TMEM8B: variants seen among roughly 807,000 people sequenced by gnomAD.
TMEM8B encodes the protein nasopharyngeal carcinoma expressed 6.
In TMEM8B, 29 loss-of-function variants were observed where a neutral mutation model predicts 49.3. The ratio of observed to expected loss-of-function variants is 0.59; its 90% CI spans 0.44 to 0.80. TMEM8B has a LOEUF of 0.80. Ranked by LOEUF, TMEM8B falls within the 30% of genes least tolerant of loss-of-function variation. The pLI is 0.00. For missense variants in TMEM8B, 575 were observed against 658.5 expected (o/e 0.87, Z 1.39); for synonymous variants, 264 against 272.8 (o/e 0.97, Z 0.32).
At chr9:35,832,191 GTGTGTGTGTA>G (rs1285984747) in intron 1 of TMEM8B, among the ~76,000 whole-genome samples, 1 of 151,770 alleles carries the variant, frequency 6.6e-6, no homozygotes, top group Non-Finnish European at 1.5e-5. Flanking sequence ...GTGTGTGTGT[GTGTGTGTGTA>G]TGTGTATGTG....
In TMEM8B at chr9:35,846,031, C is replaced by A. The variant is rs1022957075; in HGVS notation, c.1692C>A (p.Pro564=). ...TTGGATGCTTGACTCACGAGGTGCC[C>A]TTGAGCCTGGGGGATGCAGCAGTGA... is the stretch of plus-strand genomic sequence containing the variant. ...TVFGCLTHEV[P]LSLGDAAVTC... Residue 564 remains proline, a synonymous_variant, in exon 7 of 13, where the codon CCC becomes CCA. Coordinates refer to ENST00000643932, the MANE Select transcript of TMEM8B (RefSeq NM_001042590.4). 33 of 1,613,204 alleles carry A rather than the reference C, an allele frequency of 2.0e-5. No homozygotes were observed. The highest frequency in any genetic ancestry group is 4.0e-5 in the African/African-American group (3 of 74,500).
At chr9:35,844,926 C>T (rs995310902) in intron 6 of TMEM8B, among the ~76,000 whole-genome samples, 8 of 151,868 alleles carry the variant, frequency 5.3e-5, no homozygotes, top group African/African-American at 1.5e-4. Context: ...TTTTTTTTCT[C>T]CCCTTGGATC....
intron 10 of TMEM8B, among the ~76,000 whole-genome samples, chr9:35,848,719 G>A (rs1564040461): frequency 7.0e-6 from 1 of 143,168 alleles, no homozygotes; most frequent in Non-Finnish European, 1.5e-5. Flanking sequence ...GTGTTGCCCA[G>A]GCTGGAGTGC....
intron 6 of TMEM8B, chr9:35,845,655 C>G: frequency 3.0e-6 from 3 of 985,452 alleles, no homozygotes; most frequent in Non-Finnish European, 2.4e-6. Context: ...CCTCCTTCTC[C>G]TTAATGAGCT....
chr9:35,860,957 C>T lies in TMEM8B; in HGVS notation c.*7117C>T, dbSNP rs190165003. ...CTCACTTCTCCTCGGGAAAGGCCAG[C>T]GTCAGGTATTCCTAGGAGGAAGCCC... is the stretch of plus-strand genomic sequence containing the variant. On this transcript the variant is annotated 3_prime_UTR_variant, in exon 13 of 13. Transcript: ENST00000643932. 1,114 of 152,340 alleles carry T rather than the reference C, an allele frequency of 7.3e-3. 9 individuals are homozygous for T. The highest frequency in any genetic ancestry group is 0.011 in the Non-Finnish European group (778 of 68,056). 9.4% of individuals were successfully genotyped at this position (152,340 alleles called of 1,614,324 possible).
rs922153906 is a variant in TMEM8B, at chr9:35,842,738, G to A, written c.1635+21G>A. Reference sequence around the variant, plus strand: ...ATGCGGTACTCTTTATGGAGAGTGGGGAGGTTGCTCTGCCAGGGAGCTTGA... The same window carrying A: ...ATGCGGTACTCTTTATGGAGAGTGGAGAGGTTGCTCTGCCAGGGAGCTTGA... On this transcript the variant is annotated intron_variant, in intron 6 of 12. Transcript: ENST00000643932. The surrounding 1 kb of genome is among the most constrained non-coding windows in gnomAD (Gnocchi z 5.6). 1.3e-6 allele frequency: 2 copies of A among 1,588,990 alleles called. No homozygotes were observed. The highest frequency in any genetic ancestry group is 1.7e-6 in the Non-Finnish European group (2 of 1,164,826).
Position 35,854,631 on chromosome 9 carries a change from G to A in TMEM8B, c.*791G>A, listed in dbSNP as rs1297849069. On this transcript the variant is annotated 3_prime_UTR_variant, in exon 13 of 13. Coordinates refer to ENST00000643932, the MANE Select transcript of TMEM8B (RefSeq NM_001042590.4). The stretch of plus-strand genomic sequence containing the variant: ...ATGCCTATTCCCCAATTCCTATTGA[G>A]CCCGATTTGCAGTATCTGAGGGGTG... The A allele has an allele frequency of 6.6e-6, 1 of 151,696 alleles. No individual in the cohort carries two copies. Among genetic ancestry groups the A allele is most frequent in the Non-Finnish European group, 1.5e-5 (1 of 68,036 alleles). The allele number at this position is 151,696 out of a possible 1,614,324, so 9.4% of individuals were successfully genotyped here.
At position 35,829,649 on chromosome 9, in the gene TMEM8B, G is replaced by GCCCTGTCCCAGC. The variant is rs1829655028; in HGVS notation, c.206_217dup (p.Leu69_Pro72dup). ...CCCCCTGTCACAAATCCCAGCCCAG[G>GCCCTGTCCCAGC]CCCTGTCCCAGCCCCATTCCCAGTG... On this transcript the variant is annotated inframe_insertion, in exon 1 of 13. Coordinates refer to ENST00000643932, the MANE Select transcript of TMEM8B (RefSeq NM_001042590.4). 4 of 400,662 alleles carry GCCCTGTCCCAGC rather than the reference G, an allele frequency of 1.0e-5. No individual in the cohort carries two copies. In the Middle Eastern group the frequency reaches 1.4e-3, roughly 140 times the overall value. The allele number at this position is 400,662 out of a possible 1,614,324, so 24.8% of individuals were successfully genotyped here. A position where few individuals can be genotyped will look rare whatever the true frequency, so the allele number is the denominator to read the frequency against.
At chr9:35,839,447 G>A (rs1830752337) in intron 3 of TMEM8B, among the ~76,000 whole-genome samples, 1 of 152,156 alleles carries the variant, frequency 6.6e-6, no homozygotes, top group African/African-American at 2.4e-5. Flanking sequence ...CTGGGTGACG[G>A]TTCCCTGCAT....
Position 35,834,070 on chromosome 9 carries a change from A to ACACC in TMEM8B, c.509-390_509-389insACCC, listed in dbSNP as rs994665464. ...CACACACACACACACACACACACAC[A>ACACC]CCTTCCACACATCTGTTTTTTTTAG... On this transcript the variant is annotated intron_variant, in intron 1 of 12. Transcript: ENST00000643932. Among the ~76,000 whole-genome samples the ACACC allele has an allele frequency of 1.1e-3, 164 of 147,296 alleles. 1 individual carries two copies. The highest frequency in any genetic ancestry group is 3.6e-3 in the African/African-American group (138 of 38,844).
intron 6 of TMEM8B, among the ~76,000 whole-genome samples, chr9:35,845,160 T>A (rs1455535300): frequency 6.6e-6 from 1 of 152,240 alleles, no homozygotes; most frequent in Non-Finnish European, 1.5e-5. Context: ...CCCCTTTGGA[T>A]GCTGTGATTC....
rs1832590365 is a variant in TMEM8B, at chr9:35,858,390, C to T, written c.*4550C>T. 1 of 152,312 alleles carries T rather than the reference C, an allele frequency of 6.6e-6. No individual in the cohort carries two copies. Among genetic ancestry groups the T allele is most frequent in the Non-Finnish European group, 1.5e-5 (1 of 68,174 alleles). The allele number at this position is 152,312 out of a possible 1,614,324, so 9.4% of individuals were successfully genotyped here. A position where few individuals can be genotyped will look rare whatever the true frequency, so the allele number is the denominator to read the frequency against. ...ACAGGTATGAGCCACCACACCTGGC[C>T]CACTTTTGCCTTCCAAATCACATGC... is the stretch of plus-strand genomic sequence containing the variant. On this transcript the variant is annotated 3_prime_UTR_variant, in exon 13 of 13. Transcript: ENST00000643932.
rs116424870 is a variant in TMEM8B at position 35,843,665 on chromosome 9, C to A, written c.1635+948C>A. Among the ~76,000 whole-genome samples the A allele has an allele frequency of 7.2e-3, 1,099 of 152,266 alleles. 12 individuals are homozygous for A. The highest frequency in any genetic ancestry group is 0.025 in the African/African-American group (1,027 of 41,536). On this transcript the variant is annotated intron_variant, in intron 6 of 12. Coordinates refer to ENST00000643932, the MANE Select transcript of TMEM8B (RefSeq NM_001042590.4). ...TTTCCCTTTACTTCCTTTGTATTTT[C>A]TTCAAACCAGTTGTATACATTTACT...
rs1831647473 is a variant in TMEM8B, at chr9:35,846,884, A to G, written c.2064A>G (p.Thr688=). Residue 688 remains threonine (T), a synonymous_variant, in exon 10 of 13, where the codon ACA becomes ACG. Coordinates refer to ENST00000643932, the MANE Select transcript of TMEM8B (RefSeq NM_001042590.4). ...ALTYGFQLLS[T]LLLCLSNLMF... ...CCTATGGATTCCAGCTGCTGTCCAC[A>G]CTCCTGCTCTGCCTGAGCAACCTCA... 1 of 1,613,714 alleles carries G rather than the reference A, an allele frequency of 6.2e-7. No individual in the cohort carries two copies. Among genetic ancestry groups the G allele is most frequent in the Non-Finnish European group, 8.5e-7 (1 of 1,179,896 alleles).
intron 3 of TMEM8B, among the ~76,000 whole-genome samples, chr9:35,836,360 G>T (rs1030444432): frequency 1.3e-5 from 2 of 152,244 alleles, no homozygotes; most frequent in African/African-American, 2.4e-5. Context: ...CAGAACTGAG[G>T]GTTCTTCTGT....
intron 7 of TMEM8B, 48 bp downstream of exon 7, chr9:35,846,116 T>G (rs754705194): frequency 1.7e-5 from 27 of 1,572,474 alleles, no homozygotes; most frequent in Middle Eastern, 1.7e-4. Flanking sequence ...GTGGGGGTGG[T>G]GGTGGCGGGC....
intron 3 of TMEM8B, among the ~76,000 whole-genome samples, chr9:35,838,261 C>T (rs1427509135): frequency 6.6e-6 from 1 of 152,186 alleles, no homozygotes; most frequent in Non-Finnish European, 1.5e-5. Context: ...TTCTTCCAGT[C>T]TCCAATTCCC....
rs1832339801 is a variant in TMEM8B at position 35,853,476 on chromosome 9, C to T, written c.2440-29C>T. The stretch of plus-strand genomic sequence containing the variant: ...GGCTTGGGTTCCAGGGCTTGGCATT[C>T]CTGAGCCCCACTTCTCTGTCTCCCC... On this transcript the variant is annotated intron_variant, in intron 12 of 12. Transcript: ENST00000643932. The surrounding 1 kb of genome is among the most constrained non-coding windows in gnomAD (Gnocchi z 4.2). 6.3e-7 allele frequency: 1 copy of T among 1,592,832 alleles called. No individual in the cohort carries two copies. The highest frequency in any genetic ancestry group is 1.1e-5 in the South Asian group (1 of 88,686).
chr9:35,834,751 G>A lies in TMEM8B; in HGVS notation c.698+101G>A, dbSNP rs375569374. The stretch of plus-strand genomic sequence containing the variant: ...GACCTCCCGACCCTGACCCCAACCC[G>A]CGTCCAGATTGAAGTGTGACTGAGT... On this transcript the variant is annotated intron_variant, in intron 2 of 12. Transcript: ENST00000643932. 41 of 411,694 alleles carry A rather than the reference G, an allele frequency of 1.0e-4. 1 individual carries two copies. Among genetic ancestry groups the A allele is most frequent in the East Asian group, 2.1e-4 (6 of 28,080 alleles). The allele number at this position is 411,694 out of a possible 1,614,324, so 25.5% of individuals were successfully genotyped here.
Sources: gnomAD v4.1 joint callset for allele counts (sites outside exome capture counted in the v4.1 genomes callset) on GRCh38, gnomAD v4.1.1 for gene constraint, Gnocchi (gnomAD v3.1) non-coding constraint, MANE v1.5 for transcripts, NCBI Gene and HGNC (gene_info 2026-07-23, HGNC 2026-07-21) for gene names.